ARAP2: variants seen among roughly 807,000 people sequenced by gnomAD.
The protein encoded by ARAP2 is ArfGAP with RhoGAP domain, ankyrin repeat and PH domain 2, also known as arf-GAP with Rho-GAP domain, ANK repeat and PH domain-containing protein 2.
In ARAP2, 148 loss-of-function variants were observed where a neutral mutation model predicts 194.5. The observed-to-expected ratio is 0.76, with a 90% confidence interval of 0.67 to 0.87. ARAP2 has a LOEUF of 0.87. ARAP2 is among the 40% of genes least tolerant of loss of function. The pLI is 0.00. For missense variants in ARAP2, 2,128 were observed against 1,989.7 expected (o/e 1.07, Z -1.32); for synonymous variants, 695 against 683.5 (o/e 1.02, Z -0.26).
intron 26 of ARAP2, among the ~76,000 whole-genome samples, chr4:36,109,814 T>C (rs1719403340): frequency 6.6e-6 from 1 of 151,172 alleles, no homozygotes; most frequent in Non-Finnish European, 1.5e-5. Flanking sequence ...CTGCACCCAT[T>C]AACTCATCAT....
At chr4:36,058,342 G>T (rs944313961) in intron 1 of ARAP2, among the ~76,000 whole-genome samples, 1 of 152,150 alleles carries the variant, frequency 6.6e-6, no homozygotes, top group Admixed American at 6.5e-5. Context: ...GGATTTTAGT[G>T]CCTTGAGTCT....
intron 23 of ARAP2, 142 bp from the exon 24 acceptor site, chr4:36,119,860 C>T (rs1012290505): frequency 3.7e-6 from 2 of 540,830 alleles, no homozygotes; most frequent in East Asian, 2.9e-5. Context: ...TATGAGCCCA[C>T]ACAGCTAGGG....
chr4:36,065,751 T>A (rs1249776295), downstream of ARAP2: 1 of 153,580 alleles, frequency 6.5e-6, no homozygotes, highest in African/African-American at 2.4e-5. Flanking sequence ...GTACTATGCA[T>A]CTTGTAGGGA....
chr4:36,027,456 G>A (rs1480557368), intron 5 of ARAP2, among the ~76,000 whole-genome samples: 1 of 151,162 alleles, frequency 6.6e-6, no homozygotes, highest in Admixed American at 6.6e-5. Context: ...GGCTGATTGG[G>A]CTCAGCTGTC....
chr4:36,149,311 C>T (rs1022673454), intron 16 of ARAP2, among the ~76,000 whole-genome samples: 16 of 151,680 alleles, frequency 1.1e-4, no homozygotes, highest in African/African-American at 3.4e-4. Context: ...CAACTCTTGT[C>T]CAGTCAGTCA....
intron 5 of ARAP2, among the ~76,000 whole-genome samples, chr4:36,021,774 T>C (rs1716988700): frequency 6.6e-6 from 1 of 152,118 alleles, no homozygotes; most frequent in Non-Finnish European, 1.5e-5. Context: ...TTCAAGTAGA[T>C]AGAGAAAAAT....
intron 1 of ARAP2, among the ~76,000 whole-genome samples, chr4:36,233,105 A>G (rs1251237512): frequency 6.6e-6 from 1 of 152,022 alleles, no homozygotes; most frequent in Non-Finnish European, 1.5e-5. Context: ...ATTAATGTCA[A>G]CTCTGTCCTC....
intron 9 of ARAP2, among the ~76,000 whole-genome samples, chr4:36,175,233 T>C (rs1350446424): frequency 6.6e-6 from 1 of 152,246 alleles, no homozygotes; most frequent in African/African-American, 2.4e-5. Flanking sequence ...TTACTGTGTG[T>C]GTTTGTATAA....
chr4:36,215,902 C>T (rs1038979635), intron 2 of ARAP2, among the ~76,000 whole-genome samples: 5 of 151,540 alleles, frequency 3.3e-5, no homozygotes, highest in Admixed American at 1.3e-4. Context: ...AGAACCAGCA[C>T]GGGCAATATA....
chr4:36,039,078 A>G (rs1330764751), intron 5 of ARAP2, among the ~76,000 whole-genome samples: 1 of 152,094 alleles, frequency 6.6e-6, no homozygotes, highest in African/African-American at 2.4e-5. Flanking sequence ...GAAGGAGTAA[A>G]AGGAGAATTC....
chr4:36,177,896 C>T lies in ARAP2; in HGVS notation c.1788G>A (p.Leu596=). ...TAAAAATTTTTGCCTTATAGCCTCT[C>T]AATTCAAGATATCCACATTTCTCAG... is the stretch of plus-strand genomic sequence containing the variant. ...VTPEKCGYLE[L]RGYKAKIFTV... The change falls in exon 9 of 33, where the codon TTG becomes TTA. Residue 596 remains leucine, a synonymous_variant. Coordinates refer to ENST00000303965, the MANE Select transcript of ARAP2 (RefSeq NM_015230.4). 6.2e-7 allele frequency: 1 copy of T among 1,613,512 alleles called. No homozygotes were observed. Among genetic ancestry groups the T allele is most frequent in the Non-Finnish European group, 8.5e-7 (1 of 1,179,702 alleles).
intron 27 of ARAP2, among the ~76,000 whole-genome samples, chr4:36,099,092 C>G (rs13142180): frequency 0.085 from 12,946 of 151,708 alleles, 623 homozygotes; most frequent in Middle Eastern, 0.16. Flanking sequence ...GTTGTTCCCC[C>G]ACCCCATGTG....
chr4:36,083,898 G>A (rs1014461824), intron 28 of ARAP2, among the ~76,000 whole-genome samples: 2 of 152,130 alleles, frequency 1.3e-5, no homozygotes, highest in African/African-American at 4.8e-5. Context: ...AGCTGCTAGT[G>A]TGGCTAGAAT....
At chr4:36,019,549 T>G (rs559122743) in intron 5 of ARAP2, among the ~76,000 whole-genome samples, 2 of 144,058 alleles carry the variant, frequency 1.4e-5, no homozygotes, top group African/African-American at 6.0e-5. Flanking sequence ...ACTGTAGATG[T>G]GTCTTTGTGT....
At chr4:36,014,801 G>A (rs376763589) in intron 8 of ARAP2, among the ~76,000 whole-genome samples, 4 of 152,182 alleles carry the variant, frequency 2.6e-5, no homozygotes, top group African/African-American at 9.7e-5. Flanking sequence ...ATCAGGTCAT[G>A]TGCATGGGGC....
At chr4:36,244,007 A>T (rs898992822) in intron 1 of ARAP2, 172 bp downstream of exon 1, 1 of 152,228 alleles carries the variant, frequency 6.6e-6, no homozygotes, top group Admixed American at 6.5e-5. Flanking sequence ...GTTTCCTTTC[A>T]GACGCCCACA....
At chr4:36,225,700 G>A (rs146159225) in intron 2 of ARAP2, among the ~76,000 whole-genome samples, 21 of 152,228 alleles carry the variant, frequency 1.4e-4, no homozygotes, top group East Asian at 1.4e-3. Flanking sequence ...AGGAGGGCAC[G>A]TGTCCAGGGA....
chr4:36,150,009 G>C (rs998641833), intron 16 of ARAP2, among the ~76,000 whole-genome samples: 14 of 152,112 alleles, frequency 9.2e-5, no homozygotes, highest in African/African-American at 3.4e-4. Context: ...TCACACCAAA[G>C]ATCTTAGATG....
intron 32 of ARAP2, among the ~76,000 whole-genome samples, chr4:36,073,362 T>G (rs959681033): frequency 1.3e-5 from 2 of 152,162 alleles, no homozygotes; most frequent in Non-Finnish European, 2.9e-5. Flanking sequence ...GGGCTTACTC[T>G]GAAGGTGTTT....
Sources: allele counts gnomAD v4.1 joint callset (sites outside exome capture counted in the v4.1 genomes callset), GRCh38; gene constraint gnomAD v4.1.1; transcripts MANE v1.5; gene names NCBI Gene and HGNC (gene_info 2026-07-23, HGNC 2026-07-21).